APPL2: variants seen among roughly 807,000 people sequenced by gnomAD.
APPL2 encodes the protein adaptor protein, phosphotyrosine interacting with PH domain and leucine zipper 2.
APPL2 carries 84 observed loss-of-function variants against 92.7 expected under a neutral mutation model. The observed-to-expected ratio is 0.91, with a 90% CI of 0.76 to 1.09. The LOEUF is 1.09. APPL2 is among the 50% of genes least tolerant of loss of function. The pLI is 0.00. For missense variants in APPL2, 736 were observed against 824.5 expected (o/e 0.89, Z 1.31); for synonymous variants, 291 against 291.0 (o/e 1.00, Z 0.00).
At chr12:105,218,398 G>A (rs546018448) in intron 2 of APPL2, among the ~76,000 whole-genome samples, 20 of 152,286 alleles carry the variant, frequency 1.3e-4, no homozygotes, top group African/African-American at 3.6e-4. Flanking sequence ...GGGCTTTTCA[G>A]GGAAGCACGC....
chr12:105,195,226 C>T (rs375729310), intron 14 of APPL2, 35 bp downstream of exon 14: 35 of 1,602,318 alleles, frequency 2.2e-5, no homozygotes, highest in African/African-American at 8.0e-5. Context: ...TAATTTGGCT[C>T]CACAAAAGCT....
In APPL2 at chr12:105,197,837, T is replaced by C; in HGVS notation, c.980A>G (p.Asn327Ser). 6.2e-7 allele frequency: 1 copy of C among 1,614,176 alleles called. No individual in the cohort carries two copies. The highest frequency in any genetic ancestry group is 8.5e-7 in the Non-Finnish European group (1 of 1,180,032). The change falls in exon 11 of 21, where the codon AAC (asparagine) becomes AGC (serine). Residue 327 changes from asparagine to serine, a missense_variant. Physicochemically the swap from Asn to Ser is conservative, Grantham distance 46 (BLOSUM62 1). Transcript: ENST00000258530. ...GCAATCCACGGCCATCACTGAGCAG[T>C]TGTCCAGGTCCTGGATCAAACCTCC... Reference protein sequence around the residue: ...VAGGLIQDLDNCSVMAVDCED... With the variant: ...VAGGLIQDLDSCSVMAVDCED...
chr12:105,235,264 A>AT (rs1165653993), intron 1 of APPL2: 1 of 152,206 alleles, frequency 6.6e-6, no homozygotes, highest in Non-Finnish European at 1.5e-5. Context: ...CATTTGCTAT[A>AT]TTTACACACC....
At chr12:105,207,250 C>A (rs771054486) in intron 7 of APPL2, 43 bp from the exon 8 acceptor site, 1 of 1,566,984 alleles carries the variant, frequency 6.4e-7, no homozygotes, top group South Asian at 1.2e-5. Context: ...GTCTACTGTA[C>A]GTGACAATTC....
In APPL2 at chr12:105,208,046, A is replaced by G; in HGVS notation, c.416-17T>C. On this transcript the variant is annotated splice_polypyrimidine_tract_variant and intron_variant, in intron 6 of 20. Coordinates refer to ENST00000258530, the MANE Select transcript of APPL2 (RefSeq NM_018171.5). Reference sequence around the variant, plus strand: ...GGTCATGCTCTAAAAATAAACAGACATCTGAACACCCAGGAGGGTCAGGGT... The same window carrying G: ...GGTCATGCTCTAAAAATAAACAGACGTCTGAACACCCAGGAGGGTCAGGGT... 6.2e-7 allele frequency: 1 copy of G among 1,614,144 alleles called. No individual in the cohort carries two copies. The highest frequency in any genetic ancestry group is 8.5e-7 in the Non-Finnish European group (1 of 1,179,982).
At chr12:105,213,641 C>T (rs970235456) in intron 4 of APPL2, among the ~76,000 whole-genome samples, 2 of 152,224 alleles carry the variant, frequency 1.3e-5, no homozygotes, top group Non-Finnish European at 2.9e-5. Context: ...CCAACGCATT[C>T]TATCAGGTGT....
chr12:105,184,944 G>C (rs895223376), intron 17 of APPL2, among the ~76,000 whole-genome samples: 11 of 152,182 alleles, frequency 7.2e-5, no homozygotes, highest in African/African-American at 2.4e-4. Context: ...TTCTTTCAGA[G>C]ATGCCCTGCC....
Position 105,230,078 on chromosome 12 carries a change from C to T in APPL2, c.55-855G>A, listed in dbSNP as rs912327365. ...TACAGGTGTGAGCCACCGCACCTGG[C>T]CTGCTTGTTTTTAATTATATTTTAT... On this transcript the variant is annotated intron_variant, in intron 1 of 20. Transcript: ENST00000258530. Among the ~76,000 whole-genome samples, 4 of 152,264 alleles carry T rather than the reference C, an allele frequency of 2.6e-5. No individual in the cohort carries two copies. In the East Asian group the frequency reaches 5.8e-4, roughly 22 times the overall value.
intron 1 of APPL2, among the ~76,000 whole-genome samples, chr12:105,234,952 G>A (rs1891141759): frequency 1.3e-5 from 2 of 152,144 alleles, no homozygotes; most frequent in Non-Finnish European, 2.9e-5. Context: ...CAGCCCTTCG[G>A]ACTTATTCTG....
chr12:105,226,776 A>G (rs1890542212), intron 2 of APPL2, among the ~76,000 whole-genome samples: 1 of 152,236 alleles, frequency 6.6e-6, no homozygotes, highest in Non-Finnish European at 1.5e-5. Flanking sequence ...AAATTGACGA[A>G]GTTCTCATTT....
chr12:105,215,798 TG>T (rs1889636450), intron 4 of APPL2, among the ~76,000 whole-genome samples: 1 of 152,124 alleles, frequency 6.6e-6, no homozygotes, highest in South Asian at 2.1e-4. Context: ...CTCAGCACTT[TG>T]GGATGCCGAG....
chr12:105,234,095 T>C (rs1335419026), intron 1 of APPL2, among the ~76,000 whole-genome samples: 2 of 152,136 alleles, frequency 1.3e-5, no homozygotes, highest in African/African-American at 4.8e-5. Context: ...AACAGCACCA[T>C]CAAGAGCCCT....
intron 8 of APPL2, chr12:105,206,851 C>T (rs770297420): frequency 1.5e-5 from 8 of 543,664 alleles, no homozygotes; most frequent in Non-Finnish European, 2.5e-5. Context: ...ATTTCCTGAA[C>T]ATATGGCCTA....
intron 2 of APPL2, among the ~76,000 whole-genome samples, chr12:105,219,168 G>A (rs566605388): frequency 1.3e-5 from 2 of 152,348 alleles, no homozygotes; most frequent in East Asian, 3.9e-4. Context: ...TTAAGGCTAA[G>A]TCCTGAGCTC....
In APPL2 at chr12:105,236,172, C is replaced by G. The variant is rs1891220199; in HGVS notation, c.-160G>C. The stretch of plus-strand genomic sequence containing the variant: ...CACGCCTGGCCAGTGGCCGCCGCCG[C>G]CTGCCCGCCGGCCCAGCCCCCGGCC... On this transcript the variant is annotated 5_prime_UTR_variant, in exon 1 of 21. Coordinates refer to ENST00000258530, the MANE Select transcript of APPL2 (RefSeq NM_018171.5). The G allele has an allele frequency of 8.8e-6, 2 of 227,010 alleles. No individual in the cohort carries two copies. The highest frequency in any genetic ancestry group is 1.5e-5 in the Non-Finnish European group (2 of 131,678). 14.1% of individuals were successfully genotyped at this position (227,010 alleles called of 1,614,324 possible).
intron 20 of APPL2, among the ~76,000 whole-genome samples, chr12:105,175,387 C>T (rs1885429229): frequency 6.6e-6 from 1 of 152,178 alleles, no homozygotes; most frequent in African/African-American, 2.4e-5. Context: ...ATATGGTAGC[C>T]ACTGGCTACA....
chr12:105,184,743 C>A (rs35672903), intron 17 of APPL2, among the ~76,000 whole-genome samples: 25,869 of 152,208 alleles, frequency 0.17, 2,470 homozygotes, highest in East Asian at 0.25. Context: ...CAGGGACTCA[C>A]TTGAGGAGGC....
At chr12:105,214,173 C>A (rs1889455976) in intron 4 of APPL2, among the ~76,000 whole-genome samples, 1 of 152,140 alleles carries the variant, frequency 6.6e-6, no homozygotes, top group Non-Finnish European at 1.5e-5. Context: ...GCAATAAGAG[C>A]AAAACTCTGT....
At chr12:105,214,624 CTCA>C (rs1388833464) in intron 4 of APPL2, among the ~76,000 whole-genome samples, 1 of 152,218 alleles carries the variant, frequency 6.6e-6, no homozygotes, top group East Asian at 1.9e-4. Flanking sequence ...TTGTAATTTC[CTCA>C]TCAATAGAAG....
Sources: gnomAD v4.1 joint callset for allele counts (sites outside exome capture counted in the v4.1 genomes callset) on GRCh38, gnomAD v4.1.1 for gene constraint, MANE v1.5 for transcripts, NCBI Gene and HGNC (gene_info 2026-07-23, HGNC 2026-07-21) for gene names.